The following IL1RAPL1 variants were observed in gnomAD, a reference collection of about 807,000 sequenced individuals.
IL1RAPL1 encodes the protein interleukin 1 receptor accessory protein like 1, also known as interleukin-1 receptor accessory protein-like 1.
A neutral mutation model predicts 48.4 loss-of-function variants in IL1RAPL1; 3 were observed. The observed-to-expected ratio is 0.06, with a 90% CI of 0.03 to 0.16. IL1RAPL1 has a LOEUF of 0.16. Among genes scored for constraint, IL1RAPL1 ranks in the 10% least tolerant of loss-of-function variants. The probability of loss-of-function intolerance (pLI) is 1.00; values close to 1 mark genes in which losing one functional copy is unlikely to be tolerated. For synonymous variants in IL1RAPL1, 185 were observed against 187.7 expected (o/e 0.99, Z 0.12); for missense variants, 349 against 530.6 (o/e 0.66, Z 3.36).
intron 1 of IL1RAPL1, among the ~76,000 whole-genome samples, chrX:28,615,077 A>C (rs1934197058): frequency 9.2e-6 from 1 of 108,651 alleles, no homozygotes; most frequent in Admixed American, 9.9e-5. Context: ...TTTAGTAGAG[A>C]CGGGGTTTCA....
intron 1 of IL1RAPL1, among the ~76,000 whole-genome samples, chrX:28,748,189 A>G (rs1002716536): frequency 1.2e-4 from 14 of 112,337 alleles, no homozygotes; most frequent in African/African-American, 4.2e-4. Context: ...ATGAATAAAA[A>G]GAAAAACAAA....
chrX:29,451,732 A>AT (rs1934682832), intron 5 of IL1RAPL1, among the ~76,000 whole-genome samples: 1 of 111,778 alleles, frequency 8.9e-6, no homozygotes, highest in African/African-American at 3.2e-5. Context: ...ATGTTAAAAA[A>AT]TTTTTTGTGA....
At chrX:29,773,604 C>T (rs1906752148) in intron 6 of IL1RAPL1, among the ~76,000 whole-genome samples, 1 of 112,160 alleles carries the variant, frequency 8.9e-6, no homozygotes, top group Non-Finnish European at 1.9e-5. Flanking sequence ...CTTGTCATTA[C>T]CTTGGACATC....
chrX:29,343,561 C>G (rs1933110234), intron 3 of IL1RAPL1, among the ~76,000 whole-genome samples: 1 of 111,495 alleles, frequency 9.0e-6, no homozygotes, highest in Admixed American at 9.6e-5. Flanking sequence ...AGTAGAAACT[C>G]AAGAAATAAA....
intron 1 of IL1RAPL1, among the ~76,000 whole-genome samples, chrX:28,620,543 A>G (rs1934273662): frequency 9.0e-6 from 1 of 111,421 alleles, no homozygotes; most frequent in Non-Finnish European, 1.9e-5. Flanking sequence ...TCTCAAGCCC[A>G]TTGGCATTCT....
At chrX:28,632,763 C>T (rs1451959326) in intron 1 of IL1RAPL1, among the ~76,000 whole-genome samples, 1 of 111,478 alleles carries the variant, frequency 9.0e-6, no homozygotes, top group Non-Finnish European at 1.9e-5. Flanking sequence ...GCATTGTTTT[C>T]CAGTTTTGTA....
chrX:28,878,833 GC>G (rs1438675155), intron 2 of IL1RAPL1, among the ~76,000 whole-genome samples: 1 of 111,595 alleles, frequency 9.0e-6, no homozygotes, highest in African/African-American at 3.3e-5. Context: ...TTTAGTGATT[GC>G]CTGGCCCTCA....
intron 3 of IL1RAPL1, among the ~76,000 whole-genome samples, chrX:29,322,694 C>T (rs1932812477): frequency 8.9e-6 from 1 of 111,951 alleles, no homozygotes. Flanking sequence ...CTGGTCTGGG[C>T]TTGGCTCTCT....
At chrX:28,713,161 C>T (rs1935461463) in intron 1 of IL1RAPL1, among the ~76,000 whole-genome samples, 1 of 110,627 alleles carries the variant, frequency 9.0e-6, no homozygotes, top group Non-Finnish European at 1.9e-5. Context: ...TCACGCCATT[C>T]TCCTGCCTCA....
intron 2 of IL1RAPL1, among the ~76,000 whole-genome samples, chrX:29,122,692 G>C (rs2147478236): frequency 9.0e-6 from 1 of 111,300 alleles, no homozygotes; most frequent in East Asian, 2.8e-4. Flanking sequence ...AATGTGTTAA[G>C]ATTAAGTTAA....
At position 29,017,566 on chromosome X, in the gene IL1RAPL1, G is replaced by T. The variant is rs180971821; in HGVS notation, c.82+228141G>T. Among the ~76,000 whole-genome samples, 377 of 111,770 alleles carry T rather than the reference G, an allele frequency of 3.4e-3. 3 individuals carry two copies. Among genetic ancestry groups the T allele is most frequent in the African/African-American group, 0.012 (363 of 30,821 alleles). On this transcript the variant is annotated intron_variant, in intron 2 of 10. Transcript: ENST00000378993. ...CGCTTGGAGGCTTTGTCAGGATTTT[G>T]TAGAGTGTCAGCATAGTCATGGTGG...
At chrX:29,475,991 A>G (rs1260187810) in intron 5 of IL1RAPL1, among the ~76,000 whole-genome samples, 5 of 111,889 alleles carry the variant, frequency 4.5e-5, no homozygotes, top group African/African-American at 1.6e-4. Flanking sequence ...ATTTTTAAGA[A>G]TAATTCATTG....
At chrX:29,174,266 A>G (rs1929965339) in intron 2 of IL1RAPL1, among the ~76,000 whole-genome samples, 2 of 111,468 alleles carry the variant, frequency 1.8e-5, no homozygotes, top group African/African-American at 6.5e-5. Context: ...TTGATATGAG[A>G]TGATTTGCAT....
intron 2 of IL1RAPL1, among the ~76,000 whole-genome samples, chrX:28,825,817 A>C (rs1430209253): frequency 9.0e-6 from 1 of 111,541 alleles, no homozygotes; most frequent in African/African-American, 3.2e-5. Flanking sequence ...GCAGTGACTC[A>C]ATAAGGTTTA....
At chrX:29,613,704 G>T (rs112614332) in intron 5 of IL1RAPL1, among the ~76,000 whole-genome samples, 207 of 97,320 alleles carry the variant, frequency 2.1e-3, no homozygotes, top group African/African-American at 7.6e-3. Flanking sequence ...GAGAAGCTGG[G>T]TTTTTTTCGT....
chrX:29,669,651 G>A (rs2147100502), intron 6 of IL1RAPL1, among the ~76,000 whole-genome samples: 1 of 111,548 alleles, frequency 9.0e-6, no homozygotes, highest in South Asian at 3.7e-4. Context: ...TAAGTTTAAA[G>A]CATGAACATA....
chrX:29,664,201 G>A (rs759061200), intron 5 of IL1RAPL1, among the ~76,000 whole-genome samples: 30 of 111,389 alleles, frequency 2.7e-4, no homozygotes, highest in African/African-American at 9.1e-4. Context: ...TCAGGAGATC[G>A]AGACCAGCCT....
At chrX:29,058,351 T>TG (rs149978497) in intron 2 of IL1RAPL1, among the ~76,000 whole-genome samples, 14,974 of 110,200 alleles carry the variant, frequency 0.14, 989 homozygotes, top group Non-Finnish European at 0.2. Context: ...TACTCCAGCC[T>TG]AGCGACAGAG....
At chrX:29,919,117 A>G (rs1433391319) in intron 7 of IL1RAPL1, among the ~76,000 whole-genome samples, 2 of 112,185 alleles carry the variant, frequency 1.8e-5, no homozygotes, top group African/African-American at 3.2e-5. Context: ...ACATAAGAAT[A>G]TTGTACTCTA....
Sources: allele counts gnomAD v4.1 joint callset (sites outside exome capture counted in the v4.1 genomes callset), GRCh38; gene constraint gnomAD v4.1.1; transcripts MANE v1.5; gene names NCBI Gene and HGNC (gene_info 2026-07-23, HGNC 2026-07-21).